Variants in PECR observed in about 807,000 individuals in gnomAD.
PECR encodes the protein 2,4-dienoyl-CoA reductase-related protein.
Under a neutral mutation model 35.3 loss-of-function variants are expected in PECR, and 30 were observed. The ratio of observed to expected loss-of-function variants is 0.85; its 90% CI spans 0.64 to 1.15. The LOEUF (loss-of-function observed/expected upper bound fraction) is 1.15, where lower values mean the gene tolerates loss of function less well. Among genes scored for constraint, PECR ranks in the 50% most tolerant of loss-of-function variants. The probability of loss-of-function intolerance (pLI) is 0.00; values close to 1 mark genes in which losing one functional copy is unlikely to be tolerated. For missense variants in PECR, 392 were observed against 370.8 expected, an observed-to-expected ratio of 1.06 and a Z score of -0.47; for synonymous variants, 148 against 138.9, an observed-to-expected ratio of 1.07 and a Z score of -0.46.
intron 1 of PECR, among the ~76,000 whole-genome samples, chr2:216,070,019 CAT>C (rs1196132866): frequency 1.3e-5 from 2 of 150,386 alleles, no homozygotes; most frequent in Non-Finnish European, 3.0e-5. Flanking sequence ...CTGATCGAAA[CAT>C]AGAAAGGAGT....
chr2:216,071,190 C>T, intron 1 of PECR, among the ~76,000 whole-genome samples: 1 of 152,162 alleles, frequency 6.6e-6, no homozygotes, highest in East Asian at 1.9e-4. Context: ...TGTTCATCTC[C>T]TGCAAAAACG....
At position 216,039,160 on chromosome 2, in the gene PECR, C is replaced by T; in HGVS notation, c.*115G>A. 1.4e-6 allele frequency: 1 copy of T among 707,588 alleles called. No homozygotes were observed. Among genetic ancestry groups the T allele is most frequent in the East Asian group, 2.7e-5 (1 of 37,496 alleles). 43.8% of individuals were successfully genotyped at this position (707,588 alleles called of 1,614,324 possible). A position where few individuals can be genotyped will look rare whatever the true frequency, so the allele number is the denominator to read the frequency against. On this transcript the variant is annotated 3_prime_UTR_variant, in exon 8 of 8. Transcript: ENST00000265322. ...GTTTTTCCATAGATATAATTAATAA[C>T]ACTTAAAAATAAGAAAAATGTTTTC...
intron 1 of PECR, among the ~76,000 whole-genome samples, chr2:216,076,171 A>C (rs1695692011): frequency 6.6e-6 from 1 of 152,192 alleles, no homozygotes; most frequent in Non-Finnish European, 1.5e-5. Flanking sequence ...ATTGAGCAAA[A>C]AAGAAAATGT....
Position 216,044,001 on chromosome 2 carries a change from G to A in PECR, c.729C>T (p.Val243=). The A allele has an allele frequency of 6.3e-7, 1 of 1,598,340 alleles. No individual in the cohort carries two copies. Among genetic ancestry groups the A allele is most frequent in the Non-Finnish European group, 8.6e-7 (1 of 1,165,722 alleles). The change falls in exon 7 of 8, where the codon GTC becomes GTT. Residue 243 remains valine (V), a synonymous_variant. Coordinates refer to ENST00000265322, the MANE Select transcript of PECR (RefSeq NM_018441.6). ...AAGCTGCAGGAGACAGTAGGAAGCA[G>A]ACCACAGAGGAGACCTGGAAACAGA... The part of the protein sequence containing the change: ...IGVPEEVSSV[V]CFLLSPAASF...
At chr2:216,048,990 C>T (rs1040994248) in intron 6 of PECR, among the ~76,000 whole-genome samples, 1 of 151,938 alleles carries the variant, frequency 6.6e-6, no homozygotes, top group South Asian at 2.1e-4. Context: ...CAACAAATGC[C>T]ATGTAATAAA....
intron 6 of PECR, among the ~76,000 whole-genome samples, chr2:216,044,537 G>C (rs1161720624): frequency 6.6e-6 from 1 of 152,050 alleles, no homozygotes; most frequent in Non-Finnish European, 1.5e-5. Context: ...CTCTCTACAA[G>C]AGGAACTTCA....
chr2:216,044,886 G>T (rs1173917704), intron 6 of PECR, among the ~76,000 whole-genome samples: 2 of 152,130 alleles, frequency 1.3e-5, no homozygotes, highest in Admixed American at 1.3e-4. Flanking sequence ...AAAGGGTGAT[G>T]ATCCAAAACA....
chr2:216,040,155 T>C (rs1694862106), intron 7 of PECR, among the ~76,000 whole-genome samples: 1 of 152,234 alleles, frequency 6.6e-6, no homozygotes, highest in Non-Finnish European at 1.5e-5. Context: ...AGTGAGCTAC[T>C]AAGTCAAGTC....
intron 1 of PECR, among the ~76,000 whole-genome samples, chr2:216,076,785 G>A (rs1353755734): frequency 6.6e-6 from 1 of 151,788 alleles, no homozygotes; most frequent in Non-Finnish European, 1.5e-5. Context: ...GGGCAACAAA[G>A]CAAGATTCCA....
intron 4 of PECR, 69 bp from the exon 5 acceptor site, chr2:216,051,614 C>T (rs968255261): frequency 2.6e-5 from 25 of 965,250 alleles, no homozygotes; most frequent in Non-Finnish European, 3.7e-5. Flanking sequence ...ATCAAGCTCA[C>T]AAGTGTGCCA....
At chr2:216,043,029 A>G (rs1180819589) in intron 7 of PECR, among the ~76,000 whole-genome samples, 2 of 132,716 alleles carry the variant, frequency 1.5e-5, no homozygotes, top group South Asian at 2.3e-4. Flanking sequence ...ACATACGTAT[A>G]TATGTATGTG....
At chr2:216,056,991 A>G (rs1318348354) in intron 4 of PECR, among the ~76,000 whole-genome samples, 1 of 152,068 alleles carries the variant, frequency 6.6e-6, no homozygotes, top group East Asian at 1.9e-4. Flanking sequence ...TTTCTAGCCA[A>G]CCGAATATCA....
intron 3 of PECR, 87 bp downstream of exon 3, chr2:216,065,225 A>C (rs1559215923): frequency 3.4e-6 from 3 of 884,886 alleles, no homozygotes; most frequent in Non-Finnish European, 5.8e-6. Context: ...AATAAATGTT[A>C]ATGACATGGG....
At chr2:216,078,955 T>G (rs1449455592) in intron 1 of PECR, among the ~76,000 whole-genome samples, 1 of 152,192 alleles carries the variant, frequency 6.6e-6, no homozygotes, top group Non-Finnish European at 1.5e-5. Flanking sequence ...CATAAAAATC[T>G]ATTAAAAATC....
intron 6 of PECR, among the ~76,000 whole-genome samples, chr2:216,045,149 C>G (rs560526301): frequency 1.0e-3 from 159 of 152,324 alleles, no homozygotes; most frequent in African/African-American, 3.5e-3. Context: ...TGTGTCCATG[C>G]CTTGCTTGCC....
chr2:216,079,222 C>A (rs1215488574), intron 1 of PECR, among the ~76,000 whole-genome samples: 1 of 142,372 alleles, frequency 7.0e-6, no homozygotes, highest in African/African-American at 2.6e-5. Context: ...ATGTTGGAAA[C>A]ACAGTCGTAA....
intron 6 of PECR, 70 bp from the exon 7 acceptor site, chr2:216,044,085 C>A: frequency 1.3e-6 from 1 of 786,952 alleles, no homozygotes; most frequent in Non-Finnish European, 2.3e-6. Context: ...CTCACATTCC[C>A]CAGTAAAGGC....
At chr2:216,031,097 G>GT (rs887646673) in intron 7 of PECR, among the ~76,000 whole-genome samples, 43 of 152,010 alleles carry the variant, frequency 2.8e-4, no homozygotes, top group African/African-American at 1.0e-3. Context: ...AAGTAAAATG[G>GT]TAACAACGCG....
chr2:216,063,880 T>C (rs1695410561), intron 3 of PECR: 1 of 151,598 alleles, frequency 6.6e-6, no homozygotes. Flanking sequence ...GCCTGGCTAA[T>C]TTTTTTTCTT....
Sources: allele counts gnomAD v4.1 joint callset (sites outside exome capture counted in the v4.1 genomes callset), GRCh38; gene constraint gnomAD v4.1.1; transcripts MANE v1.5; gene names NCBI Gene and HGNC (gene_info 2026-07-23, HGNC 2026-07-21).